The following ELMOD1 variants were observed in gnomAD, a reference collection of about 807,000 sequenced individuals.
ELMOD1 encodes ELMO domain containing 1, also known as ELMO domain-containing protein 1.
ELMOD1 carries 21 observed loss-of-function variants against 46.7 expected under a neutral mutation model. The ratio of observed to expected loss-of-function variants is 0.45; its 90% CI spans 0.32 to 0.65. ELMOD1 has a LOEUF of 0.65. Among genes scored for constraint, ELMOD1 ranks in the 30% least tolerant of loss-of-function variants. The pLI is 0.04. For missense variants in ELMOD1, 348 were observed against 407.8 expected, an observed-to-expected ratio of 0.85 and a Z score of 1.26; for synonymous variants, 122 against 138.2, an observed-to-expected ratio of 0.88 and a Z score of 0.82.
At chr11:107,610,976 A>G (rs532194147) in intron 1 of ELMOD1, among the ~76,000 whole-genome samples, 66 of 150,156 alleles carry the variant, frequency 4.4e-4, no homozygotes, top group Middle Eastern at 3.5e-3. Flanking sequence ...ATTTAAATGT[A>G]AAACCTCAAA....
chr11:107,654,098 A>G (rs1009406696), intron 9 of ELMOD1, 74 bp from the exon 10 acceptor site: 6 of 1,247,222 alleles, frequency 4.8e-6, no homozygotes, highest in Non-Finnish European at 5.7e-6. Flanking sequence ...CAGTTTTAAC[A>G]TAAGCATTAA....
At chr11:107,643,760 G>C (rs1866368690) in intron 6 of ELMOD1, 1 of 470,240 alleles carries the variant, frequency 2.1e-6, no homozygotes, top group African/African-American at 2.0e-5. Flanking sequence ...CTTATGTTCT[G>C]TTGCGTATAC....
chr11:107,621,080 G>T (rs375213181), intron 2 of ELMOD1, among the ~76,000 whole-genome samples: 1 of 152,130 alleles, frequency 6.6e-6, no homozygotes, highest in Non-Finnish European at 1.5e-5. Context: ...CATTTCCCTC[G>T]TTGGGATTTA....
intron 11 of ELMOD1, among the ~76,000 whole-genome samples, 151 bp downstream of exon 11, chr11:107,656,217 A>G (rs1866629049): frequency 6.6e-6 from 1 of 151,902 alleles, no homozygotes; most frequent in Non-Finnish European, 1.5e-5. Context: ...GTGAAACCCC[A>G]TCTGTACTAA....
intron 2 of ELMOD1, chr11:107,625,374 A>G (rs1387605729): frequency 4.1e-6 from 4 of 969,030 alleles, no homozygotes; most frequent in Non-Finnish European, 4.9e-6. Flanking sequence ...CATCAACAAT[A>G]GTGTACTTTT....
chr11:107,663,774 A>G (rs940720627), intron 11 of ELMOD1, among the ~76,000 whole-genome samples: 6 of 152,170 alleles, frequency 3.9e-5, no homozygotes, highest in Admixed American at 1.3e-4. Flanking sequence ...TACTAGAAAA[A>G]CAAAAAGTAT....
At chr11:107,602,271 T>C (rs1865613241) in intron 1 of ELMOD1, among the ~76,000 whole-genome samples, 1 of 152,244 alleles carries the variant, frequency 6.6e-6, no homozygotes, top group African/African-American at 2.4e-5. Flanking sequence ...GGAAACTTTC[T>C]TGTGAAATTT....
intron 1 of ELMOD1, chr11:107,592,053 T>G: frequency 2.1e-6 from 1 of 471,094 alleles, no homozygotes; most frequent in Non-Finnish European, 4.4e-6. Context: ...GACGGGGCTG[T>G]TAAAAGCAGA....
chr11:107,650,421 A>G lies in ELMOD1; in HGVS notation c.623+18A>G, dbSNP rs938221882. 1 of 1,541,816 alleles carries G rather than the reference A, an allele frequency of 6.5e-7. No homozygotes were observed. The highest frequency in any genetic ancestry group is 1.9e-5 in the Admixed American group (1 of 53,164). ...AAATGCAGGTAATTGTTGAAAGTAA[A>G]AGATGAATTAGGTTTTATGGGTTAG... On this transcript the variant is annotated intron_variant, in intron 8 of 11. Coordinates refer to ENST00000265840, the MANE Select transcript of ELMOD1 (RefSeq NM_018712.4).
intron 2 of ELMOD1, among the ~76,000 whole-genome samples, chr11:107,622,890 G>A (rs1940274): frequency 0.62 from 94,751 of 151,964 alleles, 29,885 homozygotes; most frequent in South Asian, 0.68. Flanking sequence ...GTACATACAT[G>A]TATGAGGTAT....
chr11:107,627,788 A>T (rs1866067862), intron 2 of ELMOD1, among the ~76,000 whole-genome samples: 1 of 152,174 alleles, frequency 6.6e-6, no homozygotes, highest in African/African-American at 2.4e-5. Flanking sequence ...GAACGATCAT[A>T]AGGGTCGTCC....
chr11:107,617,536 A>G (rs1865883224), intron 1 of ELMOD1, among the ~76,000 whole-genome samples: 1 of 152,256 alleles, frequency 6.6e-6, no homozygotes, highest in African/African-American at 2.4e-5. Flanking sequence ...AAAAAGTGCC[A>G]TGCAAATATC....
intron 8 of ELMOD1, among the ~76,000 whole-genome samples, chr11:107,650,617 G>A (rs956982096): frequency 8.5e-5 from 13 of 152,146 alleles, no homozygotes; most frequent in Non-Finnish European, 1.6e-4. Context: ...GGTGAGATAT[G>A]TATTTAAAGG....
chr11:107,626,742 G>A (rs1866050727), intron 2 of ELMOD1, among the ~76,000 whole-genome samples: 1 of 150,522 alleles, frequency 6.6e-6, no homozygotes, highest in African/African-American at 2.4e-5. Flanking sequence ...CCTTTAAAGG[G>A]TAAACATGTC....
chr11:107,663,496 TAA>T (rs34343554), intron 11 of ELMOD1, among the ~76,000 whole-genome samples: 15 of 144,128 alleles, frequency 1.0e-4, no homozygotes, highest in African/African-American at 2.5e-4. Context: ...TTAATAAACT[TAA>T]AAAAAAAAAA....
intron 1 of ELMOD1, among the ~76,000 whole-genome samples, chr11:107,601,084 A>T (rs2135651259): frequency 6.6e-6 from 1 of 151,882 alleles, no homozygotes; most frequent in African/African-American, 2.4e-5. Context: ...TCATTCCCTA[A>T]TCTGTCTTTA....
At chr11:107,622,490 T>G (rs1365590496) in intron 2 of ELMOD1, among the ~76,000 whole-genome samples, 1 of 152,210 alleles carries the variant, frequency 6.6e-6, no homozygotes, top group Admixed American at 6.5e-5. Context: ...CTTTTCCCCT[T>G]CTAACATGTC....
chr11:107,606,416 C>G (rs1212230953), intron 1 of ELMOD1, among the ~76,000 whole-genome samples: 1 of 152,178 alleles, frequency 6.6e-6, no homozygotes, highest in African/African-American at 2.4e-5. Context: ...CGTGCTTCTG[C>G]TAGGAGGGCA....
At chr11:107,656,402 A>G (rs1340068359) in intron 11 of ELMOD1, among the ~76,000 whole-genome samples, 1 of 135,662 alleles carries the variant, frequency 7.4e-6, no homozygotes, top group Non-Finnish European at 1.5e-5. Flanking sequence ...AAAATGATAT[A>G]TATGTATATT....
Sources: gnomAD v4.1 joint callset for allele counts (sites outside exome capture counted in the v4.1 genomes callset) on GRCh38, gnomAD v4.1.1 for gene constraint, MANE v1.5 for transcripts, NCBI Gene and HGNC (gene_info 2026-07-23, HGNC 2026-07-21) for gene names.